SORCS3: variants seen among roughly 807,000 people sequenced by gnomAD.
The protein encoded by SORCS3 is VPS10 domain-containing receptor SorCS3.
Under a neutral mutation model 146.3 loss-of-function variants are expected in SORCS3, and 57 were observed. That is an observed-to-expected ratio of 0.39 (90% confidence interval 0.31 to 0.49). The LOEUF (loss-of-function observed/expected upper bound fraction) is 0.49. Among genes scored for constraint, SORCS3 ranks in the 20% least tolerant of loss-of-function variants. The pLI is 0.92. For missense variants in SORCS3, 1,341 were observed against 1,575.5 expected, an observed-to-expected ratio of 0.85 and a Z score of 2.52; for synonymous variants, 653 against 618.5, an observed-to-expected ratio of 1.06 and a Z score of -0.83.
chr10:104,988,249 T>C (rs1182148867), intron 4 of SORCS3, among the ~76,000 whole-genome samples: 1 of 152,152 alleles, frequency 6.6e-6, no homozygotes, highest in African/African-American at 2.4e-5. Flanking sequence ...TCCCTTGCCT[T>C]AAGACAGAAC....
At chr10:104,830,743 A>G (rs561800442) in intron 1 of SORCS3, among the ~76,000 whole-genome samples, 59 of 152,302 alleles carry the variant, frequency 3.9e-4, no homozygotes, top group African/African-American at 1.4e-3. Context: ...TTCTTTGGCT[A>G]TTGTGAGTGT....
At chr10:104,664,862 T>C (rs1445969930) in intron 1 of SORCS3, 2 of 152,244 alleles carry the variant, frequency 1.3e-5, no homozygotes, top group Non-Finnish European at 2.9e-5. Context: ...CTCAGAGACA[T>C]TAAAGAAGCA....
rs752607615 is a variant in SORCS3, at chr10:105,262,451, T to TGAGGAGCTGCTGGAC, written c.3565_3579dup (p.Glu1189_Asp1193dup). The TGAGGAGCTGCTGGAC allele has an allele frequency of 6.3e-5, 102 of 1,613,894 alleles. No individual in the cohort carries two copies. Among genetic ancestry groups the TGAGGAGCTGCTGGAC allele is most frequent in the Non-Finnish European group, 8.1e-5 (95 of 1,179,954 alleles). On this transcript the variant is annotated inframe_insertion, in exon 26 of 27. Transcript: ENST00000369701. The stretch of plus-strand genomic sequence containing the variant: ...TCACACTCAGTGACTTTACGGAGCC[T>TGAGGAGCTGCTGGAC]GAGGAGCTGCTGGACAAAGAGCTGG...
At chr10:105,032,069 G>C (rs2055271652) in intron 4 of SORCS3, among the ~76,000 whole-genome samples, 1 of 152,238 alleles carries the variant, frequency 6.6e-6, no homozygotes, top group East Asian at 1.9e-4. Flanking sequence ...GCAGGCTTCT[G>C]TAATCCCAGC....
chr10:105,217,855 G>A (rs777798792), intron 19 of SORCS3: 20 of 453,912 alleles, frequency 4.4e-5, no homozygotes, highest in Non-Finnish European at 8.4e-5. Context: ...ATGTCGGGTC[G>A]AGGAAATGTT....
At chr10:105,119,367 C>T (rs7070885) in intron 7 of SORCS3, among the ~76,000 whole-genome samples, 73,332 of 151,728 alleles carry the variant, frequency 0.48, 18,215 homozygotes, top group Non-Finnish European at 0.54. Flanking sequence ...CATAGAGAAC[C>T]TCTGCTAGGA....
chr10:105,024,058 C>A (rs1267409370), intron 4 of SORCS3, among the ~76,000 whole-genome samples: 1 of 152,110 alleles, frequency 6.6e-6, no homozygotes, highest in African/African-American at 2.4e-5. Flanking sequence ...TTATGTTTAT[C>A]TTTGTAATTT....
chr10:104,659,278 A>G (rs2015671210), intron 1 of SORCS3, among the ~76,000 whole-genome samples: 1 of 152,214 alleles, frequency 6.6e-6, no homozygotes, highest in South Asian at 2.1e-4. Flanking sequence ...TTAGAGCTGG[A>G]AAGAACACAT....
intron 1 of SORCS3, among the ~76,000 whole-genome samples, chr10:104,836,517 G>T (rs1325147265): frequency 6.6e-6 from 1 of 152,136 alleles, no homozygotes; most frequent in Non-Finnish European, 1.5e-5. Context: ...ATTGGAGGTG[G>T]ATACTCTACA....
At position 105,201,190 on chromosome 10, in the gene SORCS3, G is replaced by C. The variant is rs762329919; in HGVS notation, c.2198G>C (p.Gly733Ala). The C allele has an allele frequency of 1.9e-6, 3 of 1,612,090 alleles. No individual in the cohort carries two copies. Among genetic ancestry groups the C allele is most frequent in the Non-Finnish European group, 2.5e-6 (3 of 1,179,058 alleles). ...KRKPGAQCAL[G>A]RDHSGSVVSE... is the part of the protein sequence containing the mutation. ...AAGCCAGGAGCTCAGTGTGCCCTGG[G>C]CCGAGACCACTCAGGATCAGTGGTC... is the stretch of plus-strand genomic sequence containing the variant. The change falls in exon 16 of 27, where the codon GGC becomes GCC. Residue 733 changes from glycine to alanine, a missense_variant. Gly to Ala is a moderately conservative substitution (Grantham distance 60). Coordinates refer to ENST00000369701, the MANE Select transcript of SORCS3 (RefSeq NM_014978.3).
chr10:105,222,349 C>T (rs186423410), intron 19 of SORCS3, among the ~76,000 whole-genome samples: 42 of 152,246 alleles, frequency 2.8e-4, no homozygotes, highest in East Asian at 9.7e-4. Context: ...TGAGCCACCG[C>T]GCCCGGCCGC....
intron 4 of SORCS3, among the ~76,000 whole-genome samples, chr10:105,016,732 T>G (rs1029893332): frequency 6.6e-6 from 1 of 152,146 alleles, no homozygotes; most frequent in Admixed American, 6.5e-5. Flanking sequence ...CTACCGCCAA[T>G]GTAGACAGTA....
intron 5 of SORCS3, among the ~76,000 whole-genome samples, chr10:105,051,177 A>G (rs2055409889): frequency 6.6e-6 from 1 of 152,186 alleles, no homozygotes; most frequent in African/African-American, 2.4e-5. Flanking sequence ...TACACACACA[A>G]GGCATGTATG....
chr10:104,879,032 T>G (rs1452459109), intron 2 of SORCS3, among the ~76,000 whole-genome samples: 1 of 152,202 alleles, frequency 6.6e-6, no homozygotes, highest in Admixed American at 6.5e-5. Context: ...AGCATGTCTT[T>G]CCTGAGACTT....
chr10:105,088,899 G>T (rs1259195495), intron 5 of SORCS3, among the ~76,000 whole-genome samples: 1 of 152,192 alleles, frequency 6.6e-6, no homozygotes, highest in Non-Finnish European at 1.5e-5. Context: ...ACAAATCTTA[G>T]AATAGTGTAT....
intron 5 of SORCS3, among the ~76,000 whole-genome samples, chr10:105,062,415 T>A (rs2055494084): frequency 2.0e-5 from 3 of 152,160 alleles, no homozygotes; most frequent in Admixed American, 6.5e-5. Flanking sequence ...GTTATACGAA[T>A]CAGAAAATAG....
intron 1 of SORCS3, among the ~76,000 whole-genome samples, chr10:104,788,586 G>A (rs771186763): frequency 1.3e-5 from 2 of 152,174 alleles, no homozygotes; most frequent in African/African-American, 2.4e-5. Context: ...AGCCAGAAAA[G>A]CTTTTCATAG....
At chr10:104,722,745 G>T (rs1488295615) in intron 1 of SORCS3, among the ~76,000 whole-genome samples, 1 of 152,172 alleles carries the variant, frequency 6.6e-6, no homozygotes, top group Non-Finnish European at 1.5e-5. Context: ...ATTTCTTCTA[G>T]ATTTTCTGGT....
intron 23 of SORCS3, among the ~76,000 whole-genome samples, chr10:105,253,901 T>C (rs556649093): frequency 6.6e-6 from 1 of 152,322 alleles, no homozygotes; most frequent in Admixed American, 6.5e-5. Context: ...ACCTCTTTAT[T>C]CTGAAATAGC....
Sources: allele counts gnomAD v4.1 joint callset (sites outside exome capture counted in the v4.1 genomes callset), GRCh38; gene constraint gnomAD v4.1.1; transcripts MANE v1.5; gene names NCBI Gene and HGNC (gene_info 2026-07-23, HGNC 2026-07-21).